The following MARCHF1 variants were observed in gnomAD, a reference collection of about 807,000 sequenced individuals.
MARCHF1 encodes the protein E3 ubiquitin-protein ligase MARCHF1.
Under a neutral mutation model 54.2 loss-of-function variants are expected in MARCHF1, and 40 were observed. The observed-to-expected ratio is 0.74, with a 90% CI of 0.57 to 0.96. The LOEUF is 0.96. MARCHF1 is among the 40% of genes least tolerant of loss of function. The pLI, the probability that MARCHF1 is intolerant of heterozygous loss-of-function variation, is 0.00. For synonymous variants in MARCHF1, 236 were observed against 236.3 expected, an observed-to-expected ratio of 1.00 and a Z score of 0.01; for missense variants, 586 against 656.5, an observed-to-expected ratio of 0.89 and a Z score of 1.17.
intron 3 of MARCHF1, among the ~76,000 whole-genome samples, chr4:163,862,928 A>T (rs1309991465): frequency 1.3e-5 from 2 of 152,106 alleles, no homozygotes; most frequent in Non-Finnish European, 2.9e-5. Context: ...AATGAATATT[A>T]AATGCATATT....
At chr4:164,105,164 C>T (rs1290660409) in intron 2 of MARCHF1, among the ~76,000 whole-genome samples, 3 of 103,634 alleles carry the variant, frequency 2.9e-5, no homozygotes, top group African/African-American at 9.8e-5. Flanking sequence ...TAGGAAGAAT[C>T]AATATCGTGA....
At chr4:164,127,470 G>A (rs1284280093) in intron 1 of MARCHF1, among the ~76,000 whole-genome samples, 2 of 151,978 alleles carry the variant, frequency 1.3e-5, no homozygotes, top group Non-Finnish European at 2.9e-5. Flanking sequence ...TTAGATATAT[G>A]AGCATTGAAA....
At chr4:163,612,153 GA>G in intron 7 of MARCHF1, 117 bp downstream of exon 7, 1 of 916,310 alleles carries the variant, frequency 1.1e-6, no homozygotes, top group Non-Finnish European at 1.5e-6. Context: ...TATCCAATCA[GA>G]AAAAGAACAA....
At chr4:163,742,244 A>T (rs1021145433) in intron 4 of MARCHF1, among the ~76,000 whole-genome samples, 1 of 152,124 alleles carries the variant, frequency 6.6e-6, no homozygotes, top group African/African-American at 2.4e-5. Flanking sequence ...CCTCTTCCTC[A>T]GACTGAATGA....
At chr4:163,596,392 T>C (rs971468308) in intron 7 of MARCHF1, among the ~76,000 whole-genome samples, 1 of 151,770 alleles carries the variant, frequency 6.6e-6, no homozygotes. Context: ...ATACAAAAAT[T>C]AGCCAGGCAT....
At chr4:163,678,693 T>A (rs1241571949) in intron 5 of MARCHF1, among the ~76,000 whole-genome samples, 1 of 152,232 alleles carries the variant, frequency 6.6e-6, no homozygotes, top group Non-Finnish European at 1.5e-5. Flanking sequence ...CCTGTGTCTC[T>A]TTGGGATTTA....
intron 2 of MARCHF1, among the ~76,000 whole-genome samples, chr4:164,028,397 A>T (rs1305159804): frequency 6.6e-6 from 1 of 152,222 alleles, no homozygotes; most frequent in Non-Finnish European, 1.5e-5. Context: ...ATCCATAAAA[A>T]TGGATGAAAT....
chr4:163,980,329 A>G (rs1752736845), intron 3 of MARCHF1, among the ~76,000 whole-genome samples: 1 of 136,742 alleles, frequency 7.3e-6, no homozygotes, highest in Non-Finnish European at 1.6e-5. Flanking sequence ...GAAAGCTGAA[A>G]CTGGATCCCT....
intron 5 of MARCHF1, among the ~76,000 whole-genome samples, chr4:163,623,935 A>G (rs1912824): frequency 4.6e-5 from 7 of 152,068 alleles, no homozygotes; most frequent in Non-Finnish European, 1.0e-4. Context: ...CAGATCCACA[A>G]GACAGAATTT....
intron 2 of MARCHF1, among the ~76,000 whole-genome samples, chr4:164,038,173 C>G (rs1168040272): frequency 6.6e-6 from 1 of 152,084 alleles, no homozygotes; most frequent in Non-Finnish European, 1.5e-5. Flanking sequence ...CACACAAATT[C>G]ACAATTATCT....
At chr4:164,154,195 T>A (rs1560930323) in intron 1 of MARCHF1, among the ~76,000 whole-genome samples, 1 of 151,502 alleles carries the variant, frequency 6.6e-6, no homozygotes, top group Non-Finnish European at 1.5e-5. Context: ...GTAAAAAATA[T>A]CTTGCCATTT....
intron 2 of MARCHF1, among the ~76,000 whole-genome samples, chr4:164,085,854 T>C (rs1755182831): frequency 6.6e-6 from 1 of 151,814 alleles, no homozygotes; most frequent in Admixed American, 6.6e-5. Context: ...CCTTTCTGTA[T>C]AGGCATGAGA....
At chr4:164,242,678 C>A (rs1732810090) in intron 1 of MARCHF1, among the ~76,000 whole-genome samples, 1 of 152,122 alleles carries the variant, frequency 6.6e-6, no homozygotes, top group African/African-American at 2.4e-5. Flanking sequence ...TCAAATTACT[C>A]TGAGCTACGG....
chr4:164,342,182 T>G (rs1481228433), intron 1 of MARCHF1, among the ~76,000 whole-genome samples: 1 of 152,130 alleles, frequency 6.6e-6, no homozygotes, highest in Admixed American at 6.5e-5. Context: ...GACATATGAA[T>G]AGCCAACAAG....
rs1354615268 is a variant in MARCHF1, at chr4:163,992,010, G to A, written c.-247-3301C>T. On this transcript the variant is annotated intron_variant, in intron 2 of 9. Transcript: ENST00000514618. ...GTCTCTAGTTTAAAAGGTAAACAAAGAAAAATATGCATCTCTGGTAGCATA... is the reference window on the plus strand; with the variant it reads ...GTCTCTAGTTTAAAAGGTAAACAAAAAAAAATATGCATCTCTGGTAGCATA... 7.7e-5 allele frequency among the ~76,000 whole-genome samples: 6 copies of A among 78,202 alleles called. No individual in the cohort carries two copies. In the South Asian group the frequency reaches 1.3e-3, roughly 17 times the overall value. The allele number at this position is 78,202 out of a possible 152,430, so 51.3% of individuals were successfully genotyped here.
In MARCHF1 at chr4:164,051,721, C is replaced by T. The variant is rs1579492644; in HGVS notation, c.-248+59867G>A. Among the ~76,000 whole-genome samples, 3 of 152,254 alleles carry T rather than the reference C, an allele frequency of 2.0e-5. No individual in the cohort carries two copies. The South Asian group carries it at 6.2e-4, about 32-fold the overall frequency. On this transcript the variant is annotated intron_variant, in intron 2 of 9. Transcript: ENST00000514618. The stretch of plus-strand genomic sequence containing the variant: ...ATTTATCCTAGGTCTAACTGATTCC[C>T]TTGTCCAGATACTTAATCACCATGT...
intron 2 of MARCHF1, among the ~76,000 whole-genome samples, chr4:164,015,900 CA>C (rs770216277): frequency 5.2e-4 from 75 of 143,570 alleles, no homozygotes; most frequent in Non-Finnish European, 4.1e-4. Context: ...TAAGTTTCCC[CA>C]AAAAAAAAAA....
intron 1 of MARCHF1, among the ~76,000 whole-genome samples, chr4:164,347,217 A>G (rs1486719760): frequency 2.0e-5 from 3 of 152,224 alleles, no homozygotes; most frequent in Non-Finnish European, 2.9e-5. Flanking sequence ...GTGATGTGCT[A>G]TTCTAGAACA....
At chr4:163,968,735 G>A (rs9308069) in intron 3 of MARCHF1, among the ~76,000 whole-genome samples, 80,232 of 151,720 alleles carry the variant, frequency 0.53, 22,801 homozygotes, top group Middle Eastern at 0.68. Context: ...CCTAATACTT[G>A]GCCACCATTT....
Sources: allele counts gnomAD v4.1 joint callset (sites outside exome capture counted in the v4.1 genomes callset), GRCh38; gene constraint gnomAD v4.1.1; transcripts MANE v1.5; gene names NCBI Gene and HGNC (gene_info 2026-07-23, HGNC 2026-07-21).